Variants in VTI1A observed in about 807,000 individuals in gnomAD.
VTI1A encodes the protein vesicle transport through interaction with t-SNAREs homolog 1A.
In VTI1A, 22 loss-of-function variants were observed where a neutral mutation model predicts 34.9. The ratio of observed to expected loss-of-function variants is 0.63; its 90% confidence interval spans 0.45 to 0.90. The LOEUF (loss-of-function observed/expected upper bound fraction) is 0.90. Ranked by LOEUF, VTI1A falls within the 40% of genes least tolerant of loss-of-function variation. The pLI is 0.00. For missense variants in VTI1A, 268 were observed against 275.6 expected, an observed-to-expected ratio of 0.97 and a Z score of 0.20; for synonymous variants, 87 against 97.3, an observed-to-expected ratio of 0.89 and a Z score of 0.62.
At chr10:112,820,509 A>G (rs1853634208), downstream of VTI1A, among the ~76,000 whole-genome samples, 1 of 152,264 alleles carries the variant, frequency 6.6e-6, no homozygotes, top group Non-Finnish European at 1.5e-5. Flanking sequence ...TAATGTCAGC[A>G]GTCAGGTGGC....
chr10:112,692,434 G>A (rs919220289), intron 7 of VTI1A, among the ~76,000 whole-genome samples: 7 of 152,076 alleles, frequency 4.6e-5, no homozygotes, highest in African/African-American at 1.7e-4. Flanking sequence ...TTCTTTCATG[G>A]CATCTTACTT....
At chr10:112,517,901 C>A (rs544917419) in intron 3 of VTI1A, among the ~76,000 whole-genome samples, 1 of 151,732 alleles carries the variant, frequency 6.6e-6, no homozygotes, top group Admixed American at 6.6e-5. Flanking sequence ...ACAAAATGAA[C>A]GTTAGGTAAA....
At position 112,815,360 on chromosome 10, in the gene VTI1A, A is replaced by G. The variant is rs765794012; in HGVS notation, c.631A>G (p.Thr211Ala). The G allele has an allele frequency of 2.5e-6, 4 of 1,614,022 alleles. No individual in the cohort carries two copies. Among genetic ancestry groups the G allele is most frequent in the Non-Finnish European group, 3.4e-6 (4 of 1,179,960 alleles). Residue 211 changes from threonine to alanine, a missense_variant, in exon 8 of 8, where the codon ACT becomes GCT. Coordinates refer to ENST00000393077, the MANE Select transcript of VTI1A (RefSeq NM_145206.4). ...IVVITILMAI[T>A]FSVRRH ...GGTCATCACCATCCTGATGGCGATC[A>G]CTTTTTCTGTCAGAAGACACTGATG...
intron 5 of VTI1A, among the ~76,000 whole-genome samples, chr10:112,663,066 T>A (rs1847519172): frequency 6.6e-6 from 1 of 152,238 alleles, no homozygotes; most frequent in Admixed American, 6.5e-5. Flanking sequence ...CAAGAATGTG[T>A]GGGAATATGT....
At chr10:112,481,463 T>C (rs548338528) in intron 3 of VTI1A, among the ~76,000 whole-genome samples, 172 of 152,332 alleles carry the variant, frequency 1.1e-3, no homozygotes, top group African/African-American at 4.1e-3. Flanking sequence ...TGAAGTTTTG[T>C]TTTCAAATTT....
At chr10:112,521,239 A>G (rs1850019280) in intron 3 of VTI1A, among the ~76,000 whole-genome samples, 1 of 152,084 alleles carries the variant, frequency 6.6e-6, no homozygotes, top group South Asian at 2.1e-4. Flanking sequence ...GAAATGCAGT[A>G]AAATTTTTTA....
intron 7 of VTI1A, among the ~76,000 whole-genome samples, chr10:112,778,946 TGA>T (rs960946745): frequency 5.3e-5 from 8 of 152,162 alleles, no homozygotes; most frequent in Non-Finnish European, 1.0e-4. Context: ...GTTCAGGAAC[TGA>T]GTGACACATT....
At chr10:112,562,661 T>G (rs979415990) in intron 5 of VTI1A, among the ~76,000 whole-genome samples, 5 of 151,928 alleles carry the variant, frequency 3.3e-5, no homozygotes, top group African/African-American at 1.2e-4. Flanking sequence ...TTTTGTACCA[T>G]TAATAATAAC....
At chr10:112,447,183 C>T (rs1408522463), upstream of VTI1A, 2 of 569,432 alleles carry the variant, frequency 3.5e-6, no homozygotes, top group Non-Finnish European at 6.2e-6. Flanking sequence ...AGCACGCACG[C>T]AACCCAATTT....
chr10:112,815,274 CT>C lies in VTI1A; in HGVS notation c.561-13del, dbSNP rs1853483236. On this transcript the variant is annotated splice_polypyrimidine_tract_variant and intron_variant, in intron 7 of 7. Coordinates refer to ENST00000393077, the MANE Select transcript of VTI1A (RefSeq NM_145206.4). ...CACTTATCTGTGTGTGTTTTTTCTC[CT>C]TTGCTGTCTCCTAGAATCATCCAGA... is the stretch of plus-strand genomic sequence containing the variant. The C allele has an allele frequency of 1.9e-6, 3 of 1,607,496 alleles. No individual in the cohort carries two copies. Among genetic ancestry groups the C allele is most frequent in the Non-Finnish European group, 8.5e-7 (1 of 1,175,948 alleles).
intron 7 of VTI1A, among the ~76,000 whole-genome samples, chr10:112,709,684 T>C (rs898106497): frequency 0.012 from 1,150 of 92,136 alleles, 44 homozygotes; most frequent in African/African-American, 0.088. Flanking sequence ...CTATGTGGCT[T>C]TTTTTTTTTT....
intron 7 of VTI1A, among the ~76,000 whole-genome samples, chr10:112,804,851 ATTTTTTTT>A (rs138471169): frequency 1.1e-3 from 62 of 55,366 alleles, no homozygotes; most frequent in African/African-American, 4.2e-3. Flanking sequence ...TAGATTATAG[ATTTTTTTT>A]TTTTTTTTTT....
At chr10:112,676,937 G>T (rs559673807) in intron 7 of VTI1A, among the ~76,000 whole-genome samples, 53 of 152,274 alleles carry the variant, frequency 3.5e-4, no homozygotes, top group Middle Eastern at 6.8e-3. Context: ...TCTGGCCTTC[G>T]TCAAGGATTC....
chr10:112,763,295 C>A (rs1234642482), intron 7 of VTI1A, among the ~76,000 whole-genome samples: 1 of 152,030 alleles, frequency 6.6e-6, no homozygotes, highest in African/African-American at 2.4e-5. Context: ...AAAAAATTAG[C>A]CGGGCATGGT....
intron 1 of VTI1A, among the ~76,000 whole-genome samples, chr10:112,456,563 T>G (rs2134030039): frequency 6.6e-6 from 1 of 151,508 alleles, no homozygotes; most frequent in Admixed American, 6.6e-5. Flanking sequence ...ATAGGTGGGG[T>G]TTGGACAGAC....
intron 5 of VTI1A, among the ~76,000 whole-genome samples, chr10:112,540,718 G>T (rs1036864258): frequency 6.6e-6 from 1 of 152,162 alleles, no homozygotes; most frequent in Non-Finnish European, 1.5e-5. Context: ...GTCATGGCTT[G>T]TCAATCCATA....
intron 7 of VTI1A, among the ~76,000 whole-genome samples, chr10:112,811,423 G>C (rs1367726849): frequency 6.6e-6 from 1 of 152,094 alleles, no homozygotes; most frequent in Non-Finnish European, 1.5e-5. Context: ...GACCGGGCGC[G>C]GTGGCTCACG....
At chr10:112,639,174 C>T (rs1413669906) in intron 5 of VTI1A, among the ~76,000 whole-genome samples, 2 of 152,122 alleles carry the variant, frequency 1.3e-5, no homozygotes, top group Non-Finnish European at 2.9e-5. Context: ...TTAATCAACT[C>T]ACACAAACTC....
chr10:112,575,701 C>T (rs1852305671), intron 5 of VTI1A, among the ~76,000 whole-genome samples: 1 of 152,122 alleles, frequency 6.6e-6, no homozygotes, highest in African/African-American at 2.4e-5. Context: ...TAATATTTAA[C>T]TTGAAGGATG....
Sources: gnomAD v4.1 joint callset for allele counts (sites outside exome capture counted in the v4.1 genomes callset) on GRCh38, gnomAD v4.1.1 for gene constraint, MANE v1.5 for transcripts, NCBI Gene and HGNC (gene_info 2026-07-23, HGNC 2026-07-21) for gene names.